Variants in EPHB1 observed in about 807,000 individuals in gnomAD.
The protein encoded by EPHB1 is EPH receptor B1, also known as ephrin type-B receptor 1.
Under a neutral mutation model 94.4 loss-of-function variants are expected in EPHB1, and 30 were observed. That is an observed-to-expected ratio of 0.32 (90% CI 0.24 to 0.43). EPHB1 has a LOEUF of 0.43. Ranked by LOEUF, EPHB1 falls within the 20% of genes least tolerant of loss-of-function variation. The pLI, the probability that EPHB1 is intolerant of heterozygous loss-of-function variation, is 1.00. For missense variants in EPHB1, 1,055 were observed against 1,308.3 expected (o/e 0.81, Z 2.99); for synonymous variants, 522 against 489.1 (o/e 1.07, Z -0.89).
At chr3:135,134,987 G>A (rs1290029989) in intron 5 of EPHB1, among the ~76,000 whole-genome samples, 1 of 152,104 alleles carries the variant, frequency 6.6e-6, no homozygotes, top group African/African-American at 2.4e-5. Flanking sequence ...GGGGGACCAA[G>A]GCTCTTGCAA....
intron 1 of EPHB1, among the ~76,000 whole-genome samples, chr3:134,853,085 T>C (rs73229150): frequency 0.085 from 12,901 of 151,368 alleles, 564 homozygotes; most frequent in Non-Finnish European, 0.1. Flanking sequence ...AGAACAGAAA[T>C]AGACAAAGCT....
At chr3:135,199,252 G>T (rs1038469055) in intron 11 of EPHB1, among the ~76,000 whole-genome samples, 1 of 152,162 alleles carries the variant, frequency 6.6e-6, no homozygotes, top group Admixed American at 6.5e-5. Context: ...GTGACTTGTG[G>T]CTGAGATACA....
At chr3:135,176,716 C>T (rs1168313722) in intron 9 of EPHB1, among the ~76,000 whole-genome samples, 1 of 152,182 alleles carries the variant, frequency 6.6e-6, no homozygotes. Flanking sequence ...GGAATAGCTC[C>T]TTCCTTGAAC....
chr3:135,133,163 C>A, intron 5 of EPHB1, 114 bp downstream of exon 5: 2 of 1,086,898 alleles, frequency 1.8e-6, no homozygotes, highest in Non-Finnish European at 2.6e-6. Context: ...AGGCCTCTGC[C>A]CAGGAGTGAA....
intron 2 of EPHB1, among the ~76,000 whole-genome samples, chr3:134,934,373 G>A (rs1165438492): frequency 6.6e-6 from 1 of 152,196 alleles, no homozygotes; most frequent in Non-Finnish European, 1.5e-5. Context: ...TCCTCCAAGT[G>A]ATGGAAGGCA....
intron 5 of EPHB1, among the ~76,000 whole-genome samples, chr3:135,152,268 A>G (rs1941217285): frequency 6.6e-6 from 1 of 152,240 alleles, no homozygotes; most frequent in Non-Finnish European, 1.5e-5. Flanking sequence ...GTTGGTAGAA[A>G]GGAAAACAGT....
chr3:135,173,255 C>T (rs1327249304), intron 9 of EPHB1, among the ~76,000 whole-genome samples: 6 of 151,786 alleles, frequency 4.0e-5, no homozygotes, highest in East Asian at 3.9e-4. Flanking sequence ...GGGATGGTCT[C>T]GATCTCCTGA....
Position 135,249,493 on chromosome 3 carries a change from T to G in EPHB1, c.2846+2T>G. On this transcript the variant is annotated splice_donor_variant, in intron 15 of 15. Coordinates refer to ENST00000398015, the MANE Select transcript of EPHB1 (RefSeq NM_004441.5). LOFTEE classifies it high-confidence loss of function. ...GCTGGTCACCCAGATGACATCAGAG[T>G]AAGTGATGAGAATCTCTCTGTCCAG... The G allele has an allele frequency of 6.2e-7, 1 of 1,612,772 alleles. No homozygotes were observed. The highest frequency in any genetic ancestry group is 8.5e-7 in the Non-Finnish European group (1 of 1,179,302).
At chr3:135,024,071 C>T (rs916370161) in intron 3 of EPHB1, among the ~76,000 whole-genome samples, 1 of 152,176 alleles carries the variant, frequency 6.6e-6, no homozygotes. Context: ...TCAGCTCTTC[C>T]AGACACCACC....
chr3:135,124,075 A>G (rs1261158120), intron 4 of EPHB1, among the ~76,000 whole-genome samples: 1 of 151,666 alleles, frequency 6.6e-6, no homozygotes, highest in Non-Finnish European at 1.5e-5. Flanking sequence ...TCTAATCTTT[A>G]TTATGACCCC....
At chr3:135,227,989 A>C (rs1943440779) in intron 12 of EPHB1, among the ~76,000 whole-genome samples, 1 of 152,168 alleles carries the variant, frequency 6.6e-6, no homozygotes. Flanking sequence ...ATTTCCTAAG[A>C]ATAGGGAGGG....
At chr3:134,943,129 G>T (rs2039151934) in intron 2 of EPHB1, among the ~76,000 whole-genome samples, 1 of 152,204 alleles carries the variant, frequency 6.6e-6, no homozygotes, top group Non-Finnish European at 1.5e-5. Flanking sequence ...GCCTGGTATT[G>T]AATGTCTCTG....
chr3:135,083,615 G>A (rs545675587), intron 3 of EPHB1, among the ~76,000 whole-genome samples: 35 of 151,962 alleles, frequency 2.3e-4, no homozygotes, highest in African/African-American at 8.2e-4. Flanking sequence ...GTGTATGGAG[G>A]GGGGATTAAT....
intron 1 of EPHB1, among the ~76,000 whole-genome samples, chr3:134,914,553 G>T (rs992548290): frequency 1.3e-5 from 2 of 152,154 alleles, no homozygotes; most frequent in Non-Finnish European, 2.9e-5. Context: ...CTCCTTGTGT[G>T]GGGGACTACA....
chr3:134,899,531 T>G (rs936993897), intron 1 of EPHB1, among the ~76,000 whole-genome samples: 2 of 152,238 alleles, frequency 1.3e-5, no homozygotes, highest in Admixed American at 6.5e-5. Flanking sequence ...TCATTTCTCC[T>G]TCACTTCCCA....
At chr3:134,965,034 A>G (rs1265417518) in intron 3 of EPHB1, among the ~76,000 whole-genome samples, 1 of 152,266 alleles carries the variant, frequency 6.6e-6, no homozygotes, top group Non-Finnish European at 1.5e-5. Flanking sequence ...ATTAATAATC[A>G]CACATTTTGA....
intron 12 of EPHB1, among the ~76,000 whole-genome samples, chr3:135,206,642 G>A (rs939317775): frequency 6.6e-6 from 1 of 152,216 alleles, no homozygotes; most frequent in East Asian, 1.9e-4. Flanking sequence ...CTGAGGTCAC[G>A]AGTTCGAGAC....
At chr3:134,829,759 A>G (rs2036547476) in intron 1 of EPHB1, among the ~76,000 whole-genome samples, 1 of 152,174 alleles carries the variant, frequency 6.6e-6, no homozygotes, top group Non-Finnish European at 1.5e-5. Flanking sequence ...ATACTGGAAT[A>G]GGATAGGTCC....
At chr3:135,156,134 AGAGCATATCT>A (rs1559854728) in intron 6 of EPHB1, among the ~76,000 whole-genome samples, 12 of 152,078 alleles carry the variant, frequency 7.9e-5, no homozygotes. Context: ...CACTGTGGGT[AGAGCATATCT>A]GATGTGAGGA....
Sources: allele counts gnomAD v4.1 joint callset (sites outside exome capture counted in the v4.1 genomes callset), GRCh38; gene constraint gnomAD v4.1.1; transcripts MANE v1.5; gene names NCBI Gene and HGNC (gene_info 2026-07-23, HGNC 2026-07-21).